The following ABLIM1 variants were observed in gnomAD, a reference collection of about 807,000 sequenced individuals.
ABLIM1 encodes actin binding LIM protein 1, also known as actin-binding LIM protein 1.
In ABLIM1, 40 loss-of-function variants were observed where a neutral mutation model predicts 107.0. The observed-to-expected ratio is 0.37, with a 90% CI of 0.29 to 0.49. The LOEUF (loss-of-function observed/expected upper bound fraction) is 0.49, where lower values mean the gene tolerates loss of function less well. Among genes scored for constraint, ABLIM1 ranks in the 20% least tolerant of loss-of-function variants. The pLI, the probability that ABLIM1 is intolerant of heterozygous loss-of-function variation, is 0.97. For missense variants in ABLIM1, 857 were observed against 1,008.5 expected, an observed-to-expected ratio of 0.85 and a Z score of 2.04; for synonymous variants, 357 against 357.3, an observed-to-expected ratio of 1.00 and a Z score of 0.01.
upstream of ABLIM1, among the ~76,000 whole-genome samples, chr10:114,686,730 G>C (rs2080947676): frequency 6.6e-6 from 1 of 151,952 alleles, no homozygotes; most frequent in African/African-American, 2.4e-5. Flanking sequence ...CTAGGTTCAA[G>C]TGATTCTCCT....
At position 114,520,819 on chromosome 10, in the gene ABLIM1, T is replaced by TA. The variant is rs143694372; in HGVS notation, c.894+24185dup. Reference sequence around the variant, plus strand: ...AGACCCTGTCTCTAAAAAATAATAATAAAAAAAAATTAGCTGGGCATGATG... The same window carrying TA: ...AGACCCTGTCTCTAAAAAATAATAATAAAAAAAAAATTAGCTGGGCATGATG... On this transcript the variant is annotated intron_variant, in intron 6 of 22. Transcript: ENST00000533213. Among the ~76,000 whole-genome samples the TA allele has an allele frequency of 4.0e-3, 599 of 150,178 alleles. 5 individuals are homozygous for TA. The highest frequency in any genetic ancestry group is 0.014 in the African/African-American group (580 of 40,830).
intron 12 of ABLIM1, among the ~76,000 whole-genome samples, 178 bp from the exon 13 acceptor site, chr10:114,453,661 T>C (rs538484338): frequency 6.6e-6 from 1 of 152,324 alleles, no homozygotes; most frequent in Admixed American, 6.5e-5. Flanking sequence ...TCAGGTTTAG[T>C]TTTCCGTTGC....
chr10:114,788,425 A>AG, the ABLIM1 span, among the ~76,000 whole-genome samples: 6 of 151,812 alleles, frequency 4.0e-5, no homozygotes, highest in African/African-American at 9.7e-5. Context: ...AAAAAAAAAA[A>AG]AAAGAAAGAA....
chr10:114,624,577 A>T (rs2077670360), intron 1 of ABLIM1, among the ~76,000 whole-genome samples: 1 of 152,218 alleles, frequency 6.6e-6, no homozygotes, highest in Non-Finnish European at 1.5e-5. Context: ...CCTCCATTTC[A>T]GATGCCCACT....
chr10:114,704,302 C>CTCTCTCTCTATATATATATATATA (rs1380460034), intron 1 of ABLIM1, among the ~76,000 whole-genome samples: 7 of 43,054 alleles, frequency 1.6e-4, no homozygotes, highest in Non-Finnish European at 2.4e-4. Context: ...CTCTCTCTCT[C>CTCTCTCTCTATATATATATATATA]TATATATATA....
intron 1 of ABLIM1, among the ~76,000 whole-genome samples, chr10:114,721,297 G>T (rs2142047194): frequency 6.6e-6 from 1 of 152,198 alleles, no homozygotes; most frequent in African/African-American, 2.4e-5. Context: ...GGAAATCTTG[G>T]CCTCAGGATT....
chr10:114,443,152 G>A (rs1043523635), intron 17 of ABLIM1, among the ~76,000 whole-genome samples: 1 of 152,116 alleles, frequency 6.6e-6, no homozygotes, highest in Non-Finnish European at 1.5e-5. Context: ...CTCTAGCTCA[G>A]AATATGAGAG....
rs1465320594 is a variant in ABLIM1, at chr10:114,658,023, A to C, written c.178T>G (p.Leu60Val). 6.2e-7 allele frequency: 1 copy of C among 1,614,174 alleles called. No individual in the cohort carries two copies. The highest frequency in any genetic ancestry group is 1.1e-5 in the South Asian group (1 of 91,082). Residue 60 changes from leucine (L) to valine (V), a missense_variant, in exon 1 of 23, where the codon TTG becomes GTG. By Grantham distance (32) the Leu-to-Val change is conservative. This residue lies in a region of ABLIM1 where 176 missense variants were observed against 173.5 expected (regional missense o/e 1.01). Transcript: ENST00000533213. ...TAHRRATITH[L>V]LYLCPKDYCP... ...TAGTCCTTGGGACAGAGATACAGCA[A>C]ATGAGTGATAGTGGCACGCCTATGA...
intron 1 of ABLIM1, among the ~76,000 whole-genome samples, chr10:114,704,302 C>CTCTCTCTCTATATATATATATATATATA (rs1380460034): frequency 2.3e-5 from 1 of 43,088 alleles, no homozygotes; most frequent in Non-Finnish European, 4.7e-5. Context: ...CTCTCTCTCT[C>CTCTCTCTCTATATATATATATATATATA]TATATATATA....
intron 8 of ABLIM1, among the ~76,000 whole-genome samples, chr10:114,480,844 CCA>C (rs148454546): frequency 2.2e-4 from 33 of 151,660 alleles, no homozygotes; most frequent in Middle Eastern, 3.4e-3. Flanking sequence ...TTTTTACTTT[CCA>C]CACACACACA....
intron 6 of ABLIM1, among the ~76,000 whole-genome samples, chr10:114,536,223 C>CTTTCTTTTTTTCTT (rs1565863184): frequency 1.2e-5 from 1 of 80,428 alleles, no homozygotes; most frequent in African/African-American, 4.9e-5. Flanking sequence ...TTCCTTCTTT[C>CTTTCTTTTTTTCTT]TTTGTTTTTT....
At chr10:114,502,650 C>T (rs2060584709) in intron 6 of ABLIM1, among the ~76,000 whole-genome samples, 1 of 152,116 alleles carries the variant, frequency 6.6e-6, no homozygotes, top group Admixed American at 6.5e-5. Flanking sequence ...GTATGCGCCA[C>T]CATGCCTGTC....
At chr10:114,681,187 A>AT (rs61427524) in intron 1 of ABLIM1, among the ~76,000 whole-genome samples, 3,735 of 152,140 alleles carry the variant, frequency 0.025, 141 homozygotes, top group African/African-American at 0.085. Context: ...CATTTTATAT[A>AT]TTTTTTATTT....
chr10:114,786,911 G>T, the ABLIM1 span, among the ~76,000 whole-genome samples: 1 of 151,638 alleles, frequency 6.6e-6, no homozygotes. Context: ...TCTGCCCGGC[G>T]GCCACCCCGT....
chr10:114,454,050 G>A (rs2062370077), intron 12 of ABLIM1, among the ~76,000 whole-genome samples: 1 of 152,146 alleles, frequency 6.6e-6, no homozygotes, highest in Non-Finnish European at 1.5e-5. Context: ...TCCTCACTTT[G>A]AAATATATAA....
chr10:114,500,790 A>T (rs993887816), intron 6 of ABLIM1, among the ~76,000 whole-genome samples: 3 of 145,942 alleles, frequency 2.1e-5, no homozygotes, highest in African/African-American at 5.0e-5. Flanking sequence ...AGGGAAGGGA[A>T]GGGAGCCTAC....
chr10:114,693,755 C>T (rs1482331448), intron 1 of ABLIM1, among the ~76,000 whole-genome samples: 1 of 151,628 alleles, frequency 6.6e-6, no homozygotes, highest in East Asian at 1.9e-4. Flanking sequence ...CTCAAGTGAT[C>T]CTCCCACCTC....
intron 1 of ABLIM1, among the ~76,000 whole-genome samples, chr10:114,643,531 A>G (rs2078843496): frequency 6.6e-6 from 1 of 152,132 alleles, no homozygotes; most frequent in South Asian, 2.1e-4. Context: ...ATTTTTTAAG[A>G]AAAGGGAGAT....
At chr10:114,622,247 C>CT (rs71007483) in intron 1 of ABLIM1, among the ~76,000 whole-genome samples, 22,561 of 136,534 alleles carry the variant, frequency 0.17, 2,514 homozygotes, top group East Asian at 0.5. Context: ...TTTTCTTTTT[C>CT]TTTTTTTTTT....
Sources: gnomAD v4.1 joint callset for allele counts (sites outside exome capture counted in the v4.1 genomes callset) on GRCh38, gnomAD v4.1.1 for gene constraint, gnomAD v4.1.1 regional missense constraint, MANE v1.5 for transcripts, NCBI Gene and HGNC (gene_info 2026-07-23, HGNC 2026-07-21) for gene names.